Variants in SEMA5A observed in about 807,000 individuals in gnomAD.
SEMA5A encodes the protein semaphorin-5A.
In SEMA5A, 55 loss-of-function variants were observed where a neutral mutation model predicts 135.5. The observed-to-expected ratio is 0.41, with a 90% confidence interval of 0.33 to 0.51. The LOEUF (loss-of-function observed/expected upper bound fraction) is 0.51, where lower values mean the gene tolerates loss of function less well. Ranked by LOEUF, SEMA5A falls within the 20% of genes least tolerant of loss-of-function variation. The probability of loss-of-function intolerance (pLI) is 0.37; values close to 1 mark genes in which losing one functional copy is unlikely to be tolerated. For synonymous variants in SEMA5A, 580 were observed against 546.5 expected, an observed-to-expected ratio of 1.06 and a Z score of -0.85; for missense variants, 1,290 against 1,419.9, an observed-to-expected ratio of 0.91 and a Z score of 1.47.
chr5:9,416,120 T>C (rs1235032599), intron 2 of SEMA5A, among the ~76,000 whole-genome samples: 2 of 152,182 alleles, frequency 1.3e-5, no homozygotes. Flanking sequence ...TAAAAAATTA[T>C]GGCAGTGGGT....
rs1735912174 is a variant in SEMA5A at position 9,040,688 on chromosome 5, G to T, written c.*2209C>A. 6.6e-6 allele frequency: 1 copy of T among 152,084 alleles called. No individual in the cohort carries two copies. The highest frequency in any genetic ancestry group is 1.5e-5 in the Non-Finnish European group (1 of 68,014). 9.4% of individuals were successfully genotyped at this position (152,084 alleles called of 1,614,324 possible). A position where few individuals can be genotyped will look rare whatever the true frequency, so the allele number is the denominator to read the frequency against. On this transcript the variant is annotated 3_prime_UTR_variant, in exon 23 of 23. Transcript: ENST00000382496. ...CATGAAGATCCTGTAGTGAGGGAGG[G>T]TGTTTTTCCCAAGTCATTGCAAAAG...
At chr5:9,328,776 C>T (rs1259584248) in intron 4 of SEMA5A, among the ~76,000 whole-genome samples, 2 of 152,084 alleles carry the variant, frequency 1.3e-5, no homozygotes, top group Non-Finnish European at 2.9e-5. Flanking sequence ...AAGAGTGATG[C>T]TCTCTCTCAC....
At chr5:9,095,809 A>G (rs989961369) in intron 16 of SEMA5A, among the ~76,000 whole-genome samples, 12 of 152,268 alleles carry the variant, frequency 7.9e-5, no homozygotes, top group Admixed American at 2.0e-4. Context: ...ATGGTTTGCC[A>G]TGAGGCAAAC....
At chr5:9,440,710 A>C (rs963640924) in intron 1 of SEMA5A, among the ~76,000 whole-genome samples, 10 of 152,264 alleles carry the variant, frequency 6.6e-5, no homozygotes, top group Non-Finnish European at 1.5e-4. Context: ...AGTGCTCATC[A>C]GCACATGACT....
At chr5:9,436,392 A>G (rs1282709028) in intron 2 of SEMA5A, among the ~76,000 whole-genome samples, 1 of 152,202 alleles carries the variant, frequency 6.6e-6, no homozygotes, top group Non-Finnish European at 1.5e-5. Context: ...CTGGAGAAAG[A>G]TACAAAATGC....
At chr5:9,310,146 G>A (rs1192112044) in intron 5 of SEMA5A, among the ~76,000 whole-genome samples, 1 of 152,066 alleles carries the variant, frequency 6.6e-6, no homozygotes, top group Non-Finnish European at 1.5e-5. Context: ...TTTTCTTAAA[G>A]GAAGAGAGAG....
chr5:9,196,523 C>T (rs945545240), intron 10 of SEMA5A, among the ~76,000 whole-genome samples: 2 of 152,120 alleles, frequency 1.3e-5, no homozygotes, highest in African/African-American at 2.4e-5. Flanking sequence ...TGTTTTCTTA[C>T]GGTAGTCCAA....
intron 3 of SEMA5A, chr5:9,363,428 G>A (rs946435134): frequency 8.2e-4 from 26 of 31,758 alleles, no homozygotes; most frequent in African/African-American, 2.6e-3. Context: ...CAGTAGGTAA[G>A]GGGGGGTCAT....
chr5:9,060,002 C>G (rs901407166), intron 18 of SEMA5A, among the ~76,000 whole-genome samples: 8 of 152,168 alleles, frequency 5.3e-5, no homozygotes, highest in African/African-American at 1.4e-4. Context: ...CGGCCTCTAA[C>G]TGGCTTCCTG....
chr5:9,076,717 A>T (rs996741732), intron 16 of SEMA5A, among the ~76,000 whole-genome samples: 54 of 152,130 alleles, frequency 3.5e-4, no homozygotes, highest in Non-Finnish European at 1.0e-4. Context: ...ATGTTTGCTT[A>T]TTTAGGACTG....
chr5:9,373,372 G>A (rs1755223875), intron 3 of SEMA5A, among the ~76,000 whole-genome samples: 2 of 152,120 alleles, frequency 1.3e-5, no homozygotes, highest in African/African-American at 4.8e-5. Flanking sequence ...GATAAAGGCA[G>A]CTGTTAAAAC....
At chr5:9,345,932 G>T (rs1343268415) in intron 3 of SEMA5A, among the ~76,000 whole-genome samples, 1 of 152,060 alleles carries the variant, frequency 6.6e-6, no homozygotes, top group Non-Finnish European at 1.5e-5. Flanking sequence ...TACATGATAG[G>T]GAGAGAAGGC....
chr5:9,190,219 A>G, intron 11 of SEMA5A, 48 bp downstream of exon 11: 1 of 1,576,172 alleles, frequency 6.3e-7, no homozygotes, highest in Non-Finnish European at 8.7e-7. Context: ...CTAAAACACA[A>G]AATCAGAAGA....
At chr5:9,320,845 C>CA (rs1359822574) in intron 4 of SEMA5A, among the ~76,000 whole-genome samples, 1 of 152,190 alleles carries the variant, frequency 6.6e-6, no homozygotes, top group East Asian at 1.9e-4. Flanking sequence ...GCCAAGCTTT[C>CA]ACCCAGTGTG....
At chr5:9,397,346 A>G (rs2126551524) in intron 2 of SEMA5A, among the ~76,000 whole-genome samples, 1 of 152,312 alleles carries the variant, frequency 6.6e-6, no homozygotes, top group African/African-American at 2.4e-5. Flanking sequence ...CCAGGTTGCA[A>G]ATTCCAGCTC....
intron 2 of SEMA5A, among the ~76,000 whole-genome samples, chr5:9,396,086 A>G (rs914267395): frequency 6.6e-6 from 1 of 152,190 alleles, no homozygotes. Flanking sequence ...CAGGTTGTGG[A>G]AGGAAGCTAC....
chr5:9,380,739 T>C (rs1755563995), intron 2 of SEMA5A, among the ~76,000 whole-genome samples: 1 of 152,188 alleles, frequency 6.6e-6, no homozygotes, highest in South Asian at 2.1e-4. Context: ...ATTAAAGTAA[T>C]ACAGGCCTGT....
At chr5:9,140,828 G>T (rs571241374) in intron 12 of SEMA5A, among the ~76,000 whole-genome samples, 38 of 152,190 alleles carry the variant, frequency 2.5e-4, no homozygotes, top group African/African-American at 9.1e-4. Flanking sequence ...ATGACCAGTA[G>T]TTAAAATTAA....
chr5:9,109,497 G>A (rs1444703344), intron 15 of SEMA5A, among the ~76,000 whole-genome samples: 1 of 152,182 alleles, frequency 6.6e-6, no homozygotes, highest in East Asian at 1.9e-4. Context: ...GACACACTCG[G>A]TGATTCATAG....
Sources: gnomAD v4.1 joint callset for allele counts (sites outside exome capture counted in the v4.1 genomes callset) on GRCh38, gnomAD v4.1.1 for gene constraint, MANE v1.5 for transcripts, NCBI Gene and HGNC (gene_info 2026-07-23, HGNC 2026-07-21) for gene names.